Variants in NLRC5 observed in about 807,000 individuals in gnomAD.
NLRC5 encodes NLR family CARD domain containing 5.
Under a neutral mutation model 206.9 loss-of-function variants are expected in NLRC5, and 114 were observed. The ratio of observed to expected loss-of-function variants is 0.55; its 90% CI spans 0.47 to 0.64. The LOEUF (loss-of-function observed/expected upper bound fraction) is 0.64. NLRC5 is among the 30% of genes least tolerant of loss of function. The probability of loss-of-function intolerance (pLI) is 0.00; values close to 1 mark genes in which losing one functional copy is unlikely to be tolerated. For missense variants in NLRC5, 2,008 were observed against 2,305.5 expected (o/e 0.87, Z 2.64); for synonymous variants, 952 against 962.8 (o/e 0.99, Z 0.21).
In NLRC5 at chr16:57,042,063, G is replaced by T; in HGVS notation, c.3111G>T (p.Leu1037Phe). The T allele has an allele frequency of 6.5e-7, 1 of 1,541,720 alleles. No individual in the cohort carries two copies. The highest frequency in any genetic ancestry group is 1.2e-5 in the South Asian group (1 of 81,210). ...CAGGGCTGGGAGCTCTGCAGTCCTTGAAGTGAGTAGCCCGCTAGGCAGAGC... is the reference window on the plus strand; with the variant it reads ...CAGGGCTGGGAGCTCTGCAGTCCTTTAAGTGAGTAGCCCGCTAGGCAGAGC... ...LLPGLGALQS[L>F]NLSENGLSLD... Residue 1037 changes from leucine to phenylalanine, a missense_variant and splice_region_variant, in exon 19 of 49, where the codon TTG (leucine) becomes TTT (phenylalanine). Transcript: ENST00000688547.
chr16:57,067,600 G>A (rs1326104963), intron 35 of NLRC5, 130 bp downstream of exon 35: 1 of 1,335,598 alleles, frequency 7.5e-7, no homozygotes, highest in African/African-American at 1.4e-5. Context: ...CCAGTGGAGG[G>A]GAGGGAGAGC....
chr16:57,068,631 C>T (rs1375629971), intron 36 of NLRC5, among the ~76,000 whole-genome samples: 2 of 152,188 alleles, frequency 1.3e-5, no homozygotes, highest in Non-Finnish European at 2.9e-5. Context: ...TAAGGACATT[C>T]TCTTCCATAA....
In NLRC5 at chr16:57,067,725, G is replaced by T. The variant is rs763973225; in HGVS notation, c.4407-11G>T. On this transcript the variant is annotated splice_polypyrimidine_tract_variant and intron_variant, in intron 35 of 48. Coordinates refer to ENST00000688547, the MANE Select transcript of NLRC5 (RefSeq NM_001384950.1). Reference sequence around the variant, plus strand: ...CCTGAAATCCTCTAGAATATCCTTGGACCTTTTCAGCTTGTCTCAGGTTAA... The same window carrying T: ...CCTGAAATCCTCTAGAATATCCTTGTACCTTTTCAGCTTGTCTCAGGTTAA... 6.2e-7 allele frequency: 1 copy of T among 1,612,932 alleles called. No homozygotes were observed. The highest frequency in any genetic ancestry group is 8.5e-7 in the Non-Finnish European group (1 of 1,178,910).
At chr16:57,067,910 C>G in intron 36 of NLRC5, 82 bp downstream of exon 36, 3 of 1,108,764 alleles carry the variant, frequency 2.7e-6, no homozygotes, top group Non-Finnish European at 4.1e-6. Context: ...GCCCTGGGCT[C>G]AGAGGACTCT....
At chr16:57,024,164 T>C (rs1375858866) in intron 5 of NLRC5, among the ~76,000 whole-genome samples, 8 of 152,182 alleles carry the variant, frequency 5.3e-5, no homozygotes, top group African/African-American at 1.9e-4. Flanking sequence ...CCCTATGTCC[T>C]CAGTGTTGAA....
chr16:57,023,495 A>G (rs2060897611), intron 4 of NLRC5, among the ~76,000 whole-genome samples: 1 of 152,050 alleles, frequency 6.6e-6, no homozygotes, highest in South Asian at 2.1e-4. Flanking sequence ...CTTGGAGCTG[A>G]GTGTTTCTGG....
chr16:57,000,117 C>T (rs62035509), intron 1 of NLRC5, among the ~76,000 whole-genome samples: 99 of 152,134 alleles, frequency 6.5e-4, no homozygotes, highest in Admixed American at 3.1e-3. Flanking sequence ...CTCTGGGGCC[C>T]GGGACACGCA....
chr16:57,003,729 C>G (rs144219829), intron 1 of NLRC5: 1 of 152,358 alleles, frequency 6.6e-6, no homozygotes, highest in Non-Finnish European at 1.5e-5. Context: ...GCTTTTGAAA[C>G]CATATCTTTG....
At chr16:57,001,028 C>T (rs1246990937) in intron 1 of NLRC5, among the ~76,000 whole-genome samples, 1 of 152,234 alleles carries the variant, frequency 6.6e-6, no homozygotes, top group Non-Finnish European at 1.5e-5. Context: ...TCTGCTCTGC[C>T]ACCCTGTGCA....
At chr16:57,002,153 T>G (rs868442152) in intron 1 of NLRC5, among the ~76,000 whole-genome samples, 8 of 152,324 alleles carry the variant, frequency 5.3e-5, no homozygotes, top group Non-Finnish European at 8.8e-5. Flanking sequence ...TCTTTTATTC[T>G]TTTCTTTCTT....
In NLRC5 at chr16:57,067,380, T is replaced by C; in HGVS notation, c.4323-7T>C. ...TCCAAAACTGTCGTCTCCCTGTCTG[T>C]GTCCAGGTTGGCTCACTGTGACCTT... On this transcript the variant is annotated splice_region_variant and splice_polypyrimidine_tract_variant and intron_variant, in intron 34 of 48. Coordinates refer to ENST00000688547, the MANE Select transcript of NLRC5 (RefSeq NM_001384950.1). 1 of 1,613,864 alleles carries C rather than the reference T, an allele frequency of 6.2e-7. No individual in the cohort carries two copies.
chr16:57,010,765 G>A (rs769858511), intron 1 of NLRC5, among the ~76,000 whole-genome samples: 22 of 152,098 alleles, frequency 1.4e-4, no homozygotes, highest in Admixed American at 1.3e-4. Flanking sequence ...TTTATTTCAC[G>A]TCATTTAGGG....
intron 20 of NLRC5, among the ~76,000 whole-genome samples, chr16:57,044,311 A>G (rs550721025): frequency 1.7e-4 from 26 of 151,656 alleles, no homozygotes; most frequent in East Asian, 3.9e-4. Flanking sequence ...TCTCAAAAAA[A>G]AAAAGAAAAG....
chr16:57,077,863 TC>T, intron 42 of NLRC5, 61 bp downstream of exon 42: 1 of 1,594,512 alleles, frequency 6.3e-7, no homozygotes, highest in South Asian at 1.1e-5. Context: ...TGGCCTCCTC[TC>T]CCGCAGTGGG....
intron 10 of NLRC5, among the ~76,000 whole-genome samples, chr16:57,030,848 C>A (rs1401119961): frequency 2.0e-5 from 3 of 152,182 alleles, no homozygotes; most frequent in Non-Finnish European, 2.9e-5. Context: ...GTGGCTCATG[C>A]CTGTAATTCC....
At chr16:57,032,197 C>A (rs2061959957) in intron 11 of NLRC5, among the ~76,000 whole-genome samples, 1 of 152,068 alleles carries the variant, frequency 6.6e-6, no homozygotes, top group South Asian at 2.1e-4. Flanking sequence ...TCTCTTGATT[C>A]CAGGTGTTCA....
intron 23 of NLRC5, among the ~76,000 whole-genome samples, chr16:57,049,172 G>C (rs1253305019): frequency 6.6e-6 from 1 of 152,026 alleles, no homozygotes. Context: ...ACGAATTTTT[G>C]TTAGGCCGTA....
Position 57,051,592 on chromosome 16 carries a change from A to G in NLRC5, c.3477A>G (p.Leu1159=). 1 of 1,613,946 alleles carries G rather than the reference A, an allele frequency of 6.2e-7. No homozygotes were observed. Among genetic ancestry groups the G allele is most frequent in the Non-Finnish European group, 8.5e-7 (1 of 1,179,910 alleles). ...DQSLETLLDC[L]PQLPQLSLLQ... The stretch of plus-strand genomic sequence containing the variant: ...GCCTGGAGACTCTACTGGACTGCTT[A>G]CCTCAACTCCCTCAGCTGAGCCTGC... Residue 1159 remains leucine (L), a synonymous_variant, in exon 24 of 49, where the codon TTA becomes TTG. Coordinates refer to ENST00000688547, the MANE Select transcript of NLRC5 (RefSeq NM_001384950.1).
intron 10 of NLRC5, among the ~76,000 whole-genome samples, chr16:57,030,422 GGATGGGTGGATGAAAA>G (rs1478843276): frequency 6.8e-5 from 9 of 131,592 alleles, no homozygotes; most frequent in Admixed American, 3.9e-4. Context: ...CTGAAAAGAT[GGATGGGTGGATGAAAA>G]GATGGATGGA....
Sources: allele counts gnomAD v4.1 joint callset (sites outside exome capture counted in the v4.1 genomes callset), GRCh38; gene constraint gnomAD v4.1.1; transcripts MANE v1.5; gene names NCBI Gene and HGNC (gene_info 2026-07-23, HGNC 2026-07-21).